Variants in NEBL observed in about 807,000 individuals in gnomAD.
NEBL encodes the protein nebulette.
A neutral mutation model predicts 140.2 loss-of-function variants in NEBL; 122 were observed. The ratio of observed to expected loss-of-function variants is 0.87; its 90% CI spans 0.75 to 1.01. The LOEUF is 1.01. Among genes scored for constraint, NEBL ranks in the 50% least tolerant of loss-of-function variants. The pLI is 0.00. For synonymous variants in NEBL, 436 were observed against 398.9 expected, an observed-to-expected ratio of 1.09 and a Z score of -1.11; for missense variants, 1,365 against 1,231.3, an observed-to-expected ratio of 1.11 and a Z score of -1.62.
intron 2 of NEBL, among the ~76,000 whole-genome samples, chr10:21,121,417 C>T (rs767495639): frequency 3.3e-5 from 5 of 152,110 alleles, no homozygotes; most frequent in Middle Eastern, 3.2e-3. Flanking sequence ...TTTATTTTAG[C>T]TTAATTCAAC....
At chr10:21,110,141 T>C (rs1837925469) in intron 2 of NEBL, among the ~76,000 whole-genome samples, 1 of 152,040 alleles carries the variant, frequency 6.6e-6, no homozygotes, top group African/African-American at 2.4e-5. Context: ...GTGGACAATG[T>C]TCATTTATTA....
At chr10:20,926,421 AT>A (rs1428120793) in intron 4 of NEBL, among the ~76,000 whole-genome samples, 12 of 152,060 alleles carry the variant, frequency 7.9e-5, no homozygotes, top group Non-Finnish European at 1.6e-4. Context: ...TTATGATCTC[AT>A]TTTTCCTTTT....
intron 4 of NEBL, among the ~76,000 whole-genome samples, chr10:20,903,838 A>G (rs905478818): frequency 1.4e-5 from 2 of 146,660 alleles, no homozygotes; most frequent in African/African-American, 5.2e-5. Flanking sequence ...AAAGGCACAT[A>G]GAGTACTGTA....
chr10:21,270,698 C>A (rs529258537), intron 1 of NEBL, among the ~76,000 whole-genome samples: 1 of 152,132 alleles, frequency 6.6e-6, no homozygotes, highest in Non-Finnish European at 1.5e-5. Flanking sequence ...GTATATAGAT[C>A]TTATCTCACC....
chr10:20,932,295 C>G (rs1393438975), intron 4 of NEBL, among the ~76,000 whole-genome samples: 1 of 152,168 alleles, frequency 6.6e-6, no homozygotes, highest in Non-Finnish European at 1.5e-5. Flanking sequence ...TGGAAGCCAT[C>G]ATTCTCAGCA....
chr10:21,275,641 T>A (rs912523629), intron 1 of NEBL, among the ~76,000 whole-genome samples: 6 of 148,948 alleles, frequency 4.0e-5, no homozygotes, highest in African/African-American at 1.5e-4. Flanking sequence ...TACCAGCTTT[T>A]TTTTTTTTTT....
rs540513276 is a variant in NEBL at position 21,248,672 on chromosome 10, C to T, written n.280-683G>A. On this transcript the variant is annotated intron_variant and non_coding_transcript_variant, in intron 2 of 8. Coordinates refer to the NEBL transcript ENST00000675702. Reference sequence around the variant, plus strand: ...TGAGTCCCTGCCTTCAATATTTTTGCGTATATGCCCAGGAGTAGAGTTGTT... The same window carrying T: ...TGAGTCCCTGCCTTCAATATTTTTGTGTATATGCCCAGGAGTAGAGTTGTT... Among the ~76,000 whole-genome samples the T allele has an allele frequency of 3.3e-5, 5 of 152,252 alleles. No individual in the cohort carries two copies. In the East Asian group the frequency reaches 7.7e-4, roughly 24 times the overall value.
chr10:20,830,162 T>C (rs1669348315), intron 16 of NEBL, among the ~76,000 whole-genome samples: 2 of 152,222 alleles, frequency 1.3e-5, no homozygotes, highest in South Asian at 2.1e-4. Flanking sequence ...GACTCTGCCA[T>C]CTTGATACTA....
intron 2 of NEBL, chr10:21,113,225 A>G (rs1489991411): frequency 3.0e-6 from 1 of 331,262 alleles, no homozygotes; most frequent in East Asian, 8.8e-5. Context: ...AAAATGCACA[A>G]AAATCATTTC....
intron 3 of NEBL, among the ~76,000 whole-genome samples, chr10:20,972,945 A>C (rs1836643482): frequency 6.6e-6 from 1 of 152,286 alleles, no homozygotes; most frequent in Admixed American, 6.5e-5. Flanking sequence ...TAAAAAATCT[A>C]TGTTACAACT....
chr10:21,181,040 T>A (rs1841378201), intron 3 of NEBL, among the ~76,000 whole-genome samples: 1 of 152,064 alleles, frequency 6.6e-6, no homozygotes, highest in African/African-American at 2.4e-5. Flanking sequence ...GGCAGGCAGA[T>A]CCCTGGAGGT....
chr10:21,017,051 G>A (rs1208027629), intron 3 of NEBL, among the ~76,000 whole-genome samples: 2 of 152,178 alleles, frequency 1.3e-5, no homozygotes, highest in Non-Finnish European at 2.9e-5. Context: ...GGGGACCAGG[G>A]TACTGGTGAA....
intron 1 of NEBL, among the ~76,000 whole-genome samples, chr10:21,266,054 A>G (rs1842793451): frequency 6.6e-6 from 1 of 152,202 alleles, no homozygotes; most frequent in Non-Finnish European, 1.5e-5. Context: ...CCTGCAGACC[A>G]GTGGAAAAGC....
At chr10:21,105,272 T>A (rs1837659367) in intron 2 of NEBL, among the ~76,000 whole-genome samples, 1 of 152,154 alleles carries the variant, frequency 6.6e-6, no homozygotes, top group Admixed American at 6.5e-5. Context: ...CCATGTTTGT[T>A]GGCTTGCTAC....
At chr10:21,262,440 A>C (rs368060393) in intron 1 of NEBL, among the ~76,000 whole-genome samples, 1 of 152,194 alleles carries the variant, frequency 6.6e-6, no homozygotes, top group African/African-American at 2.4e-5. Context: ...CCTGTTCCCT[A>C]TGGGGGTCTC....
intron 2 of NEBL, among the ~76,000 whole-genome samples, chr10:21,102,478 T>C (rs1007351261): frequency 2.0e-5 from 3 of 152,208 alleles, no homozygotes; most frequent in Non-Finnish European, 1.5e-5. Flanking sequence ...TCTGTTGCTA[T>C]AGATTCAATT....
chr10:21,288,854 A>AATT (rs1564556780), intron 1 of NEBL, among the ~76,000 whole-genome samples: 1 of 98,090 alleles, frequency 1.0e-5, no homozygotes, highest in Non-Finnish European at 1.9e-5. Context: ...ATATATAAAA[A>AATT]TTTTTTTTTT....
chr10:21,084,264 A>T lies in NEBL; in HGVS notation c.165-64063T>A, dbSNP rs566619644. Among the ~76,000 whole-genome samples the T allele has an allele frequency of 2.6e-5, 4 of 152,380 alleles. No individual in the cohort carries two copies. In the East Asian group the frequency reaches 7.7e-4, roughly 29 times the overall value. On this transcript the variant is annotated intron_variant, in intron 2 of 6. Coordinates refer to the NEBL transcript ENST00000417816. Reference sequence around the variant, plus strand: ...TATGCGTTGAGTGTTGAATGCAGCTATACATACATTGTTGCCTCATTCACA... The same window carrying T: ...TATGCGTTGAGTGTTGAATGCAGCTTTACATACATTGTTGCCTCATTCACA...
chr10:20,867,579 C>T (rs887616224), intron 7 of NEBL, among the ~76,000 whole-genome samples: 1 of 152,088 alleles, frequency 6.6e-6, no homozygotes, highest in African/African-American at 2.4e-5. Flanking sequence ...TCTGGTCTTG[C>T]TTAAGAACAA....
Sources: allele counts gnomAD v4.1 joint callset (sites outside exome capture counted in the v4.1 genomes callset), GRCh38; gene constraint gnomAD v4.1.1; transcripts MANE v1.5; gene names NCBI Gene and HGNC (gene_info 2026-07-23, HGNC 2026-07-21).